DYM: variants seen among roughly 807,000 people sequenced by gnomAD.
The protein encoded by DYM is dyggve-Melchior-Clausen syndrome protein.
DYM carries 78 observed loss-of-function variants against 93.1 expected under a neutral mutation model. The ratio of observed to expected loss-of-function variants is 0.84; its 90% CI spans 0.70 to 1.01. The LOEUF (loss-of-function observed/expected upper bound fraction) is 1.01. Ranked by LOEUF, DYM falls within the 50% of genes least tolerant of loss-of-function variation. DYM has a pLI of 0.00. For missense variants in DYM, 789 were observed against 845.0 expected, an observed-to-expected ratio of 0.93 and a Z score of 0.82; for synonymous variants, 321 against 319.7, an observed-to-expected ratio of 1.00 and a Z score of -0.04.
chr18:49,120,179 A>G (rs2146016601), intron 15 of DYM, among the ~76,000 whole-genome samples: 1 of 152,206 alleles, frequency 6.6e-6, no homozygotes, highest in East Asian at 1.9e-4. Flanking sequence ...AGGAAGGCAG[A>G]AAAAATGCAA....
At chr18:49,389,475 T>C (rs2068969568) in intron 3 of DYM, among the ~76,000 whole-genome samples, 2 of 152,202 alleles carry the variant, frequency 1.3e-5, no homozygotes, top group African/African-American at 4.8e-5. Context: ...TTCCACATTA[T>C]GTATAATGAG....
chr18:49,292,300 A>G (rs1270060882), intron 8 of DYM, among the ~76,000 whole-genome samples: 1 of 97,286 alleles, frequency 1.0e-5, no homozygotes, highest in Non-Finnish European at 2.3e-5. Context: ...ACCAACACAG[A>G]CAGACAGACA....
At chr18:49,374,362 C>T (rs1331734621) in intron 5 of DYM, among the ~76,000 whole-genome samples, 1 of 152,010 alleles carries the variant, frequency 6.6e-6, no homozygotes, top group Non-Finnish European at 1.5e-5. Context: ...AGATCAAGAC[C>T]AGCAAAAAAT....
intron 15 of DYM, among the ~76,000 whole-genome samples, chr18:49,158,481 G>A (rs1170171111): frequency 1.3e-5 from 2 of 152,254 alleles, no homozygotes; most frequent in East Asian, 3.9e-4. Context: ...ACAAATTTCA[G>A]CTTTTCAAAC....
intron 3 of DYM, among the ~76,000 whole-genome samples, chr18:49,386,714 G>T (rs571104573): frequency 6.6e-6 from 1 of 152,296 alleles, no homozygotes; most frequent in South Asian, 2.1e-4. Context: ...GAGAAAGTTA[G>T]TGAAAGTCTG....
intron 8 of DYM, among the ~76,000 whole-genome samples, chr18:49,316,495 T>TA (rs771219319): frequency 2.0e-5 from 3 of 152,172 alleles, no homozygotes; most frequent in African/African-American, 4.8e-5. Context: ...CAATGATACT[T>TA]ACGCAAGCAT....
intron 14 of DYM, among the ~76,000 whole-genome samples, chr18:49,164,444 G>A (rs1038712910): frequency 6.6e-6 from 1 of 152,174 alleles, no homozygotes; most frequent in African/African-American, 2.4e-5. Flanking sequence ...ATAATGGTGA[G>A]CTTCTGTCTC....
intron 17 of DYM, among the ~76,000 whole-genome samples, chr18:49,079,631 A>T (rs1369140287): frequency 5.3e-5 from 8 of 151,558 alleles, no homozygotes; most frequent in African/African-American, 1.9e-4. Flanking sequence ...GCCTTCAAGC[A>T]TCTGTTTAAC....
At chr18:49,081,215 T>C (rs975242464) in intron 17 of DYM, among the ~76,000 whole-genome samples, 37 of 149,922 alleles carry the variant, frequency 2.5e-4, no homozygotes, top group African/African-American at 7.6e-4. Flanking sequence ...CTGGGCACCA[T>C]TGAGCACTGA....
chr18:49,270,944 A>G (rs2094681522), intron 11 of DYM, among the ~76,000 whole-genome samples: 1 of 152,166 alleles, frequency 6.6e-6, no homozygotes. Flanking sequence ...GGAGACTGGA[A>G]GAATCAAAAA....
chr18:49,155,295 C>T (rs1287980501), intron 15 of DYM, among the ~76,000 whole-genome samples: 3 of 152,196 alleles, frequency 2.0e-5, no homozygotes, highest in Non-Finnish European at 4.4e-5. Context: ...GCTAGCCATG[C>T]TGATCTTTAT....
intron 13 of DYM, among the ~76,000 whole-genome samples, chr18:49,254,325 T>TATATACAC (rs1279388698): frequency 6.5e-5 from 9 of 138,654 alleles, no homozygotes; most frequent in African/African-American, 2.5e-4. Flanking sequence ...TATATATATA[T>TATATACAC]ACACACATAG....
At chr18:49,441,320 TTA>T (rs2081590303) in intron 1 of DYM, among the ~76,000 whole-genome samples, 1 of 74,206 alleles carries the variant, frequency 1.3e-5, no homozygotes, top group Non-Finnish European at 2.4e-5. Flanking sequence ...TAATATATAA[TTA>T]TATATAATAT....
At chr18:49,316,138 C>T (rs1301580335) in intron 8 of DYM, among the ~76,000 whole-genome samples, 4 of 151,994 alleles carry the variant, frequency 2.6e-5, no homozygotes, top group African/African-American at 9.7e-5. Context: ...TAAAATTAGC[C>T]GGGCGTGGCG....
intron 8 of DYM, among the ~76,000 whole-genome samples, chr18:49,325,648 G>A (rs905994570): frequency 2.0e-5 from 3 of 152,092 alleles, no homozygotes; most frequent in Admixed American, 6.5e-5. Flanking sequence ...CTACAGATCT[G>A]GAAAAGGCTT....
intron 14 of DYM, among the ~76,000 whole-genome samples, chr18:49,207,408 G>C (rs1468876258): frequency 6.6e-6 from 1 of 152,210 alleles, no homozygotes; most frequent in East Asian, 1.9e-4. Context: ...GAACACAGAA[G>C]AGAAGCATAG....
chr18:49,138,810 T>G (rs1311998125), intron 15 of DYM, among the ~76,000 whole-genome samples: 2 of 152,172 alleles, frequency 1.3e-5, no homozygotes, highest in Admixed American at 1.3e-4. Context: ...CGATTTAGAC[T>G]GAGACCTGAA....
At chr18:49,095,810 C>A (rs1339481270) in intron 17 of DYM, among the ~76,000 whole-genome samples, 4 of 152,122 alleles carry the variant, frequency 2.6e-5, no homozygotes, top group Admixed American at 6.6e-5. Flanking sequence ...ACTTAGCCTG[C>A]ACACTGTAAT....
rs1411933842 is a variant in DYM, at chr18:49,317,611, C to T, written c.763+14253G>A. ...TCTCTCTCTCTCCCCCCTCCCCCCT[C>T]CCTCCCTCCCTCCCTCCCTCTCCTA... On this transcript the variant is annotated intron_variant, in intron 8 of 17. Transcript: ENST00000675505. Among the ~76,000 whole-genome samples the T allele has an allele frequency of 7.6e-4, 28 of 36,992 alleles. 2 individuals are homozygous for T. Among genetic ancestry groups the T allele is most frequent in the African/African-American group, 2.8e-3 (24 of 8,564 alleles). The allele number at this position is 36,992 out of a possible 152,430, so 24.3% of individuals were successfully genotyped here.
Sources: allele counts gnomAD v4.1 joint callset (sites outside exome capture counted in the v4.1 genomes callset), GRCh38; gene constraint gnomAD v4.1.1; transcripts MANE v1.5; gene names NCBI Gene and HGNC (gene_info 2026-07-23, HGNC 2026-07-21).